MAD1L1: variants seen among roughly 807,000 people sequenced by gnomAD.
MAD1L1 encodes mitotic arrest deficient 1 like 1.
Under a neutral mutation model 96.9 loss-of-function variants are expected in MAD1L1, and 95 were observed. That is an observed-to-expected ratio of 0.98 (90% CI 0.83 to 1.16). The LOEUF (loss-of-function observed/expected upper bound fraction) is 1.16, where lower values mean the gene tolerates loss of function less well. MAD1L1 is among the 50% of genes most tolerant of loss of function. The pLI is 0.00. For missense variants in MAD1L1, 1,007 were observed against 954.4 expected (o/e 1.06, Z -0.73); for synonymous variants, 473 against 396.6 (o/e 1.19, Z -2.29).
At chr7:2,228,231 A>G (rs1442713393) in intron 3 of MAD1L1, among the ~76,000 whole-genome samples, 2 of 152,036 alleles carry the variant, frequency 1.3e-5, no homozygotes, top group Non-Finnish European at 2.9e-5. Context: ...TTTGACAGAC[A>G]GGCCAAGAGG....
chr7:2,017,780 G>T (rs1363130440), intron 12 of MAD1L1, among the ~76,000 whole-genome samples: 3 of 152,198 alleles, frequency 2.0e-5, no homozygotes, highest in Non-Finnish European at 4.4e-5. Flanking sequence ...TGATTCCCAC[G>T]CAATGAGAGA....
chr7:1,986,849 T>A (rs1407485349), intron 14 of MAD1L1, among the ~76,000 whole-genome samples: 2 of 152,108 alleles, frequency 1.3e-5, no homozygotes, highest in African/African-American at 4.8e-5. Flanking sequence ...CTTAGACTCA[T>A]AAGTAAGCTC....
chr7:1,946,963 G>C (rs936536865), intron 16 of MAD1L1, among the ~76,000 whole-genome samples: 1 of 152,228 alleles, frequency 6.6e-6, no homozygotes, highest in Non-Finnish European at 1.5e-5. Context: ...GAGGCTGGGT[G>C]GGGGCTGGCG....
At chr7:2,077,810 C>G (rs1785449597) in intron 11 of MAD1L1, among the ~76,000 whole-genome samples, 1 of 152,228 alleles carries the variant, frequency 6.6e-6, no homozygotes, top group African/African-American at 2.4e-5. Context: ...GAGGATATCG[C>G]TGGACAGAAC....
chr7:1,957,871 G>A (rs1319918651), intron 15 of MAD1L1, 152 bp from the exon 16 acceptor site: 13 of 667,350 alleles, frequency 1.9e-5, no homozygotes, highest in East Asian at 1.6e-4. Flanking sequence ...AGAGTCCAGC[G>A]ATAACATCAA....
At chr7:2,004,282 G>C (rs1018455993) in intron 13 of MAD1L1, among the ~76,000 whole-genome samples, 2 of 152,146 alleles carry the variant, frequency 1.3e-5, no homozygotes, top group Admixed American at 6.5e-5. Flanking sequence ...GAGCTGGCCT[G>C]GGCAGCGAGA....
At chr7:2,047,902 T>C (rs1013935781) in intron 12 of MAD1L1, among the ~76,000 whole-genome samples, 3 of 152,086 alleles carry the variant, frequency 2.0e-5, no homozygotes, top group Middle Eastern at 3.4e-3. Context: ...ACATGCACAC[T>C]CATGCTCAAT....
chr7:2,017,363 G>A (rs1041082690), intron 12 of MAD1L1, among the ~76,000 whole-genome samples: 16 of 152,328 alleles, frequency 1.1e-4, no homozygotes, highest in African/African-American at 3.6e-4. Context: ...GTACAGAAAC[G>A]TCCCGGTTCT....
intron 12 of MAD1L1, among the ~76,000 whole-genome samples, chr7:2,064,475 A>G (rs1352263318): frequency 6.6e-6 from 1 of 152,254 alleles, no homozygotes; most frequent in African/African-American, 2.4e-5. Flanking sequence ...GGGATGGCTC[A>G]GGCTCACAAG....
intron 18 of MAD1L1, chr7:1,846,081 G>C (rs1373389390): frequency 6.5e-6 from 1 of 152,714 alleles, no homozygotes; most frequent in Non-Finnish European, 1.5e-5. Context: ...GGCTGTAGCT[G>C]AAACCCCAGG....
intron 15 of MAD1L1, among the ~76,000 whole-genome samples, chr7:1,980,192 C>T (rs1005429669): frequency 6.6e-6 from 1 of 152,082 alleles, no homozygotes; most frequent in Admixed American, 6.5e-5. Context: ...GCGCACCTCC[C>T]CGCTGGGGGA....
At chr7:1,957,784 C>G (rs11975032) in intron 15 of MAD1L1, 65 bp from the exon 16 acceptor site, 6 of 1,483,764 alleles carry the variant, frequency 4.0e-6, no homozygotes, top group Non-Finnish European at 1.9e-6. Flanking sequence ...GTCCCACCCT[C>G]TGGGTGATAA....
intron 10 of MAD1L1, among the ~76,000 whole-genome samples, chr7:2,181,134 C>A (rs1259337700): frequency 2.0e-5 from 3 of 152,182 alleles, no homozygotes; most frequent in Non-Finnish European, 4.4e-5. Context: ...TATGTGGTTT[C>A]TCCTTATAGT....
intron 11 of MAD1L1, chr7:2,109,715 T>G (rs1243925644): frequency 6.6e-6 from 1 of 152,244 alleles, no homozygotes; most frequent in Non-Finnish European, 1.5e-5. Context: ...TTTAGAAACC[T>G]CTAAATAAAA....
At chr7:2,122,526 C>T (rs924229776) in intron 11 of MAD1L1, among the ~76,000 whole-genome samples, 3 of 151,854 alleles carry the variant, frequency 2.0e-5, no homozygotes, top group Admixed American at 6.6e-5. Flanking sequence ...CACTTGAACC[C>T]GGGAGGCGGA....
chr7:2,046,859 C>T (rs1783944388), intron 12 of MAD1L1, among the ~76,000 whole-genome samples: 1 of 152,222 alleles, frequency 6.6e-6, no homozygotes, highest in African/African-American at 2.4e-5. Flanking sequence ...AGGAGCAGCG[C>T]TCCCTGTGCC....
intron 16 of MAD1L1, among the ~76,000 whole-genome samples, chr7:1,945,824 T>C (rs1443807958): frequency 6.6e-6 from 1 of 151,866 alleles, no homozygotes; most frequent in Non-Finnish European, 1.5e-5. Flanking sequence ...ACTCAGAGGG[T>C]GGCCTGAGAA....
chr7:1,869,236 G>T (rs1292546907), intron 18 of MAD1L1, among the ~76,000 whole-genome samples: 2 of 152,168 alleles, frequency 1.3e-5, no homozygotes, highest in Non-Finnish European at 2.9e-5. Flanking sequence ...GAACGCCAGG[G>T]AAGGAGCAGT....
At position 2,136,178 on chromosome 7, in the gene MAD1L1, C is replaced by T. The variant is rs563794143; in HGVS notation, c.1073+12974G>A. ...TCTGCGCAACTGTGTTTCTCGGCCA[C>T]AGTATTAAAAAAGGGTCAGCATTAA... On this transcript the variant is annotated intron_variant, in intron 11 of 18. Coordinates refer to ENST00000265854, the MANE Select transcript of MAD1L1 (RefSeq NM_001013836.2). 2.0e-5 allele frequency among the ~76,000 whole-genome samples: 3 copies of T among 152,288 alleles called. No individual in the cohort carries two copies. In the South Asian group the frequency reaches 6.2e-4, roughly 32 times the overall value.
Sources: gnomAD v4.1 joint callset for allele counts (sites outside exome capture counted in the v4.1 genomes callset) on GRCh38, gnomAD v4.1.1 for gene constraint, MANE v1.5 for transcripts, NCBI Gene and HGNC (gene_info 2026-07-23, HGNC 2026-07-21) for gene names.